ASB13: variants seen among roughly 807,000 people sequenced by gnomAD.
The protein encoded by ASB13 is ankyrin repeat and SOCS box protein 13.
Under a neutral mutation model 28.8 loss-of-function variants are expected in ASB13, and 33 were observed. The observed-to-expected ratio is 1.15, with a 90% CI of 0.87 to 1.53. The LOEUF (loss-of-function observed/expected upper bound fraction) is 1.53, where lower values mean the gene tolerates loss of function less well. ASB13 is among the 40% of genes most tolerant of loss of function. ASB13 has a pLI of 0.00. For missense variants in ASB13, 414 were observed against 390.1 expected (o/e 1.06, Z -0.52); for synonymous variants, 182 against 172.9 (o/e 1.05, Z -0.41).
Position 5,660,593 on chromosome 10 carries a change from C to A in ASB13, c.43+5916G>T, listed in dbSNP as rs1320053435. Among the ~76,000 whole-genome samples, 1 of 152,194 alleles carries A rather than the reference C, an allele frequency of 6.6e-6. No homozygotes were observed. The highest frequency in any genetic ancestry group is 2.4e-5 in the African/African-American group (1 of 41,448). On this transcript the variant is annotated intron_variant, in intron 1 of 5. Transcript: ENST00000357700. This position sits in a 1 kb window ranked among gnomAD's most constrained non-coding sequence, Gnocchi z 6.1. ...GGCCTCCTCTCTCCTCAAATGGGTG[C>A]TGTGAAGACTGAAGAAAATCGTGCC...
intron 1 of ASB13, 113 bp downstream of exon 1, chr10:5,666,396 G>T: frequency 1.0e-6 from 1 of 972,422 alleles, no homozygotes; most frequent in Non-Finnish European, 1.3e-6. Context: ...CCCCGCCCAC[G>T]GAGCCAGCGC....
Position 5,651,401 on chromosome 10 carries a change from A to T in ASB13, c.232-38T>A. 1 of 1,533,902 alleles carries T rather than the reference A, an allele frequency of 6.5e-7. No individual in the cohort carries two copies. Among genetic ancestry groups the T allele is most frequent in the Non-Finnish European group, 8.8e-7 (1 of 1,134,920 alleles). On this transcript the variant is annotated intron_variant, in intron 2 of 5. Coordinates refer to ENST00000357700, the MANE Select transcript of ASB13 (RefSeq NM_024701.4). This position sits in a 1 kb window ranked among gnomAD's most constrained non-coding sequence, Gnocchi z 5.1. ...AGAAACAAGTGTCAAAGGGCAGAGA[A>T]ATGCCACGCAACCCACTTTCCCATC...
intron 1 of ASB13, among the ~76,000 whole-genome samples, chr10:5,665,267 A>T (rs1319703568): frequency 6.6e-6 from 1 of 152,244 alleles, no homozygotes; most frequent in Admixed American, 6.5e-5. Context: ...CTGGAATGGC[A>T]GTATTGTTTT....
rs1588507582 is a variant in ASB13 at position 5,644,268 on chromosome 10, C to CG, written c.518-2308dup. ...CAGCACTTTGGGAATTCGAGGCGAG[C>CG]GGATCTCTTGGGCCCAGGAAATCGA... On this transcript the variant is annotated intron_variant, in intron 4 of 5. Transcript: ENST00000357700. The surrounding 1 kb of genome is among the most constrained non-coding windows in gnomAD (Gnocchi z 5.1). Among the ~76,000 whole-genome samples the CG allele has an allele frequency of 6.6e-6, 1 of 152,210 alleles. No homozygotes were observed. Among genetic ancestry groups the CG allele is most frequent in the East Asian group, 1.9e-4 (1 of 5,180 alleles).
rs774336850 is a variant in ASB13, at chr10:5,649,156, A to G, written c.383-52T>C. On this transcript the variant is annotated intron_variant, in intron 3 of 5. Transcript: ENST00000357700. The surrounding 1 kb of genome is among the most constrained non-coding windows in gnomAD (Gnocchi z 6.4). ...ATGTCCTTGAATACGGACACTGGAGACAACAAGCACACAGACGCGGCAGGG... is the reference window on the plus strand; with the variant it reads ...ATGTCCTTGAATACGGACACTGGAGGCAACAAGCACACAGACGCGGCAGGG... 3.1e-6 allele frequency: 5 copies of G among 1,609,008 alleles called. No individual in the cohort carries two copies. The South Asian group carries it at 5.5e-5, about 18-fold the overall frequency.
Position 5,656,145 on chromosome 10 carries a change from G to A in ASB13, c.44-3095C>T, listed in dbSNP as rs1428547527. Among the ~76,000 whole-genome samples the A allele has an allele frequency of 1.3e-5, 2 of 152,144 alleles. No individual in the cohort carries two copies. Among genetic ancestry groups the A allele is most frequent in the African/African-American group, 2.4e-5 (1 of 41,440 alleles). Reference sequence around the variant, plus strand: ...TCTCAGGCACCGCTTATTCACCTCTGTACCCCAGAACCTGGCACTGTCCAA... The same window carrying A: ...TCTCAGGCACCGCTTATTCACCTCTATACCCCAGAACCTGGCACTGTCCAA... On this transcript the variant is annotated intron_variant, in intron 1 of 5. Coordinates refer to ENST00000357700, the MANE Select transcript of ASB13 (RefSeq NM_024701.4). This position sits in a 1 kb window ranked among gnomAD's most constrained non-coding sequence, Gnocchi z 4.3.
At chr10:5,646,060 G>A (rs1834882422) in intron 4 of ASB13, among the ~76,000 whole-genome samples, 1 of 152,160 alleles carries the variant, frequency 6.6e-6, no homozygotes, top group Non-Finnish European at 1.5e-5. Context: ...ACAGCATCGA[G>A]CCAACACCAA....
chr10:5,665,663 A>T (rs986824515), intron 1 of ASB13, among the ~76,000 whole-genome samples: 1 of 152,192 alleles, frequency 6.6e-6, no homozygotes, highest in African/African-American at 2.4e-5. Flanking sequence ...ATCATGTCAA[A>T]GGTGGTTATT....
Position 5,644,601 on chromosome 10 carries a change from T to G in ASB13, c.518-2640A>C, listed in dbSNP as rs986686793. Among the ~76,000 whole-genome samples the G allele has an allele frequency of 2.0e-5, 3 of 152,098 alleles. No homozygotes were observed. Among genetic ancestry groups the G allele is most frequent in the Non-Finnish European group, 4.4e-5 (3 of 68,020 alleles). On this transcript the variant is annotated intron_variant, in intron 4 of 5. Transcript: ENST00000357700. The surrounding 1 kb of genome is among the most constrained non-coding windows in gnomAD (Gnocchi z 5.1). ...GAGAGCCTGAGGCGGGCAGATCACC[T>G]GAGGTCAGGAGTTCAAGACCAGCCT...
At chr10:5,653,845 C>A (rs770616185) in intron 1 of ASB13, among the ~76,000 whole-genome samples, 21 of 152,136 alleles carry the variant, frequency 1.4e-4, no homozygotes, top group Admixed American at 2.6e-4. Flanking sequence ...TCACACCCAG[C>A]TAATTTTTCT....
In ASB13 at chr10:5,650,702, T is replaced by C. The variant is rs1289263591; in HGVS notation, c.382+511A>G. Among the ~76,000 whole-genome samples, 1 of 152,242 alleles carries C rather than the reference T, an allele frequency of 6.6e-6. No individual in the cohort carries two copies. Among genetic ancestry groups the C allele is most frequent in the East Asian group, 1.9e-4 (1 of 5,198 alleles). On this transcript the variant is annotated intron_variant, in intron 3 of 5. Coordinates refer to ENST00000357700, the MANE Select transcript of ASB13 (RefSeq NM_024701.4). This position sits in a 1 kb window ranked among gnomAD's most constrained non-coding sequence, Gnocchi z 6.0. ...AAGATAGGACAAGGAATGTTCCCCATGCTCGGGGTGCCCTTTTATCTTCCC... is the reference window on the plus strand; with the variant it reads ...AAGATAGGACAAGGAATGTTCCCCACGCTCGGGGTGCCCTTTTATCTTCCC...
At position 5,641,741 on chromosome 10, in the gene ASB13, G is replaced by T. The variant is rs368011694; in HGVS notation, c.709+29C>A. On this transcript the variant is annotated intron_variant, in intron 5 of 5. Transcript: ENST00000357700. This position sits in a 1 kb window ranked among gnomAD's most constrained non-coding sequence, Gnocchi z 8.4. ...GGGGTCCAGGCTGAAGGCTGGAGGGGATGGGGTGCGCTCGGTGGGGTGTCT... is the reference window on the plus strand; with the variant it reads ...GGGGTCCAGGCTGAAGGCTGGAGGGTATGGGGTGCGCTCGGTGGGGTGTCT... 1.4e-5 allele frequency: 21 copies of T among 1,543,300 alleles called. No individual in the cohort carries two copies. Among genetic ancestry groups the T allele is most frequent in the Non-Finnish European group, 1.8e-5 (20 of 1,138,694 alleles).
rs572164500 is a variant in ASB13 at position 5,656,824 on chromosome 10, G to A, written c.44-3774C>T. 4.6e-5 allele frequency among the ~76,000 whole-genome samples: 7 copies of A among 152,262 alleles called. No individual in the cohort carries two copies. The highest frequency in any genetic ancestry group is 6.5e-5 in the Admixed American group (1 of 15,294). On this transcript the variant is annotated intron_variant, in intron 1 of 5. Transcript: ENST00000357700. This position sits in a 1 kb window ranked among gnomAD's most constrained non-coding sequence, Gnocchi z 4.3. ...CTTCACTGGTGCCCAGATGTCACTG[G>A]TCCTTGGTTACCTCTTGATCCCAAC...
chr10:5,651,062 C>A lies in ASB13; in HGVS notation c.382+151G>T, dbSNP rs1025756124. ...GCTTAGAATCTCTGCAGCTGAGCCA[C>A]CAGGAGCCAGAAACAGACTCAGAAC... On this transcript the variant is annotated intron_variant, in intron 3 of 5. Transcript: ENST00000357700. The surrounding 1 kb of genome is among the most constrained non-coding windows in gnomAD (Gnocchi z 5.1). 6.7e-6 allele frequency: 7 copies of A among 1,051,922 alleles called. No homozygotes were observed. The highest frequency in any genetic ancestry group is 9.4e-6 in the Non-Finnish European group (7 of 742,058). The allele number at this position is 1,051,922 out of a possible 1,614,324, so 65.2% of individuals were successfully genotyped here. A position where few individuals can be genotyped will look rare whatever the true frequency, so the allele number is the denominator to read the frequency against.
In ASB13 at chr10:5,641,925, G is replaced by A; in HGVS notation, c.554C>T (p.Ala185Val). 6.2e-7 allele frequency: 1 copy of A among 1,612,380 alleles called. No homozygotes were observed. Among genetic ancestry groups the A allele is most frequent in the Non-Finnish European group, 8.5e-7 (1 of 1,178,448 alleles). The change falls in exon 5 of 6, where the codon GCC (alanine) becomes GTC (valine). Residue 185 changes from alanine (A) to valine (V), a missense_variant. Coordinates refer to ENST00000357700, the MANE Select transcript of ASB13 (RefSeq NM_024701.4). The surrounding 1 kb of genome is among the most constrained non-coding windows in gnomAD (Gnocchi z 8.4). ...NVNAAKLHET[A>V]LHHAAKVKNV... ...CTTGACCTTGGCCGCGTGGTGAAGGGCAGTCTCATGAAGCTTTGCCGCATT... is the reference window on the plus strand; with the variant it reads ...CTTGACCTTGGCCGCGTGGTGAAGGACAGTCTCATGAAGCTTTGCCGCATT...
rs561478786 is a variant in ASB13, at chr10:5,654,927, G to A, written c.44-1877C>T. ...GCCTGGCCAACATGGTGAAACCCCC[G>A]TCTCTACTAAAAATATTTTTTTAAA... On this transcript the variant is annotated intron_variant, in intron 1 of 5. Coordinates refer to ENST00000357700, the MANE Select transcript of ASB13 (RefSeq NM_024701.4). 5.9e-5 allele frequency among the ~76,000 whole-genome samples: 9 copies of A among 152,082 alleles called. No individual in the cohort carries two copies. The South Asian group carries it at 1.7e-3, about 28-fold the overall frequency.
At chr10:5,648,725 C>T (rs555536763) in intron 4 of ASB13, among the ~76,000 whole-genome samples, 13 of 151,310 alleles carry the variant, frequency 8.6e-5, no homozygotes, top group East Asian at 2.0e-4. Context: ...TAAACACCCA[C>T]GCAGGTAAAC....
Position 5,653,017 on chromosome 10 carries a change from G to T in ASB13, c.77C>A (p.Ala26Glu), listed in dbSNP as rs1401517522. The change falls in exon 2 of 6, where the codon GCA (alanine) becomes GAA (glutamate). Residue 26 changes from alanine to glutamate, a missense_variant. By Grantham distance (107) the Ala-to-Glu change is moderately radical. Transcript: ENST00000357700. ...FWVERTPVHE[A>E]AQRGESLQLQ... ...CTGCAGGCTCTCACCCCGCTGGGCTGCCTCGTGCACAGGGGTCCGCTCCAC... is the reference window on the plus strand; with the variant it reads ...CTGCAGGCTCTCACCCCGCTGGGCTTCCTCGTGCACAGGGGTCCGCTCCAC... 6.4e-7 allele frequency: 1 copy of T among 1,550,878 alleles called. No homozygotes were observed. Among genetic ancestry groups the T allele is most frequent in the South Asian group, 1.2e-5 (1 of 83,958 alleles).
chr10:5,662,277 G>C (rs1002276124), intron 1 of ASB13, among the ~76,000 whole-genome samples: 3 of 151,946 alleles, frequency 2.0e-5, no homozygotes, highest in Non-Finnish European at 4.4e-5. Flanking sequence ...CCAGCACTTC[G>C]GGAGGCTGAG....
Sources: allele counts gnomAD v4.1 joint callset (sites outside exome capture counted in the v4.1 genomes callset), GRCh38; gene constraint gnomAD v4.1.1; non-coding constraint Gnocchi (gnomAD v3.1); transcripts MANE v1.5; gene names NCBI Gene and HGNC (gene_info 2026-07-23, HGNC 2026-07-21).